The following ZIM2 variants were observed in gnomAD, a reference collection of about 807,000 sequenced individuals.
The protein encoded by ZIM2 is zinc finger protein 656.
ZIM2 carries 14 observed loss-of-function variants against 38.6 expected under a neutral mutation model. The observed-to-expected ratio is 0.36, with a 90% CI of 0.24 to 0.57. ZIM2 has a LOEUF of 0.57. Ranked by LOEUF, ZIM2 falls within the 20% of genes least tolerant of loss-of-function variation. ZIM2 has a pLI of 0.81. For missense variants in ZIM2, 680 were observed against 695.1 expected (o/e 0.98, Z 0.24); for synonymous variants, 247 against 245.8 (o/e 1.00, Z -0.04).
chr19:56,825,728 G>A (rs1321060761), intron 3 of ZIM2, among the ~76,000 whole-genome samples: 2 of 151,906 alleles, frequency 1.3e-5, no homozygotes, highest in African/African-American at 2.4e-5. Context: ...ACTACCTACT[G>A]GCTTTACTTC....
chr19:56,823,826 C>A lies in ZIM2; in HGVS notation c.17-147G>T, dbSNP rs1348055578. 4.2e-6 allele frequency: 4 copies of A among 959,892 alleles called. No individual in the cohort carries two copies. The South Asian group carries it at 4.6e-5, about 11-fold the overall frequency. 59.5% of individuals were successfully genotyped at this position (959,892 alleles called of 1,614,324 possible). A position where few individuals can be genotyped will look rare whatever the true frequency, so the allele number is the denominator to read the frequency against. ...CATTTCTGAGTTCAAAACCCTTCAG[C>A]GGCTTCCAACCACTCCTGGCATACT... On this transcript the variant is annotated intron_variant, in intron 4 of 12. Coordinates refer to ENST00000629319, the MANE Select transcript of ZIM2 (RefSeq NM_001387356.1).
At chr19:56,811,080 T>C in intron 9 of ZIM2, 4 of 984,884 alleles carry the variant, frequency 4.1e-6, no homozygotes, top group Non-Finnish European at 3.6e-6. Context: ...AGTATATGTC[T>C]TTGGATGGTG....
In ZIM2 at chr19:56,774,638, G is replaced by T; in HGVS notation, c.*50C>A. 3 of 1,580,398 alleles carry T rather than the reference G, an allele frequency of 1.9e-6. No homozygotes were observed. Among genetic ancestry groups the T allele is most frequent in the South Asian group, 1.2e-5 (1 of 83,624 alleles). ...GCCTTCTCACACTCACAACACTCTA[G>T]GAGGAAGCCAATAATGTTGAGAAAA... is the stretch of plus-strand genomic sequence containing the variant. On this transcript the variant is annotated 3_prime_UTR_variant, in exon 13 of 13. Transcript: ENST00000629319.
rs769921789 is a variant in ZIM2, at chr19:56,831,686, G to A, written c.-227+4332C>T. On this transcript the variant is annotated intron_variant, in intron 2 of 12. Coordinates refer to ENST00000629319, the MANE Select transcript of ZIM2 (RefSeq NM_001387356.1). ...CAAAATGTTACATAACCATTAAGTC[G>A]TGTTGTCAAGGAATGTTACAGCTTT... 1.3e-5 allele frequency among the ~76,000 whole-genome samples: 2 copies of A among 152,188 alleles called. 1 individual carries two copies. The highest frequency in any genetic ancestry group is 4.1e-4 in the South Asian group (2 of 4,834).
intron 9 of ZIM2, among the ~76,000 whole-genome samples, chr19:56,797,644 CCCT>C (rs1401805758): frequency 6.6e-6 from 1 of 151,948 alleles, no homozygotes; most frequent in African/African-American, 2.4e-5. Context: ...CTCCTTCTTC[CCCT>C]CCTCCTCCTC....
intron 9 of ZIM2, chr19:56,793,116 CTG>C (rs1231986009): frequency 6.6e-6 from 1 of 152,670 alleles, no homozygotes; most frequent in Non-Finnish European, 1.5e-5. Flanking sequence ...TGCTCAGAAA[CTG>C]TGTCAGCACT....
At position 56,814,649 on chromosome 19, in the gene ZIM2, G is replaced by T. The variant is rs909324686; in HGVS notation, c.490+3097C>A. The T allele has an allele frequency of 8.1e-6, 13 of 1,614,034 alleles. No individual in the cohort carries two copies. The highest frequency in any genetic ancestry group is 1.1e-5 in the Non-Finnish European group (13 of 1,180,040). ...TGAAACTCAGTGAGGGCTAAGCCTGGAATGATAGCTTCCTCAGCCATCTGG... is the reference window on the plus strand; with the variant it reads ...TGAAACTCAGTGAGGGCTAAGCCTGTAATGATAGCTTCCTCAGCCATCTGG... On this transcript the variant is annotated intron_variant, in intron 9 of 12. Coordinates refer to ENST00000629319, the MANE Select transcript of ZIM2 (RefSeq NM_001387356.1). This position sits in a 1 kb window ranked among gnomAD's most constrained non-coding sequence, Gnocchi z 5.8.
At chr19:56,825,947 C>T (rs142953212) in intron 3 of ZIM2, among the ~76,000 whole-genome samples, 138 of 152,294 alleles carry the variant, frequency 9.1e-4, no homozygotes, top group Middle Eastern at 3.4e-3. Flanking sequence ...TGGGCTCCCA[C>T]TTCCCTCCCT....
chr19:56,815,676 G>A (rs200041700), intron 9 of ZIM2: 1 of 1,614,164 alleles, frequency 6.2e-7, no homozygotes, highest in East Asian at 2.2e-5. Context: ...TGGGAACAGA[G>A]AATTCGCCAT....
chr19:56,829,915 C>A (rs1409023409), intron 2 of ZIM2, among the ~76,000 whole-genome samples: 3 of 152,234 alleles, frequency 2.0e-5, no homozygotes, highest in Non-Finnish European at 4.4e-5. Flanking sequence ...AACAGCCACG[C>A]CTACCACTGA....
chr19:56,789,949 A>C lies in ZIM2; in HGVS notation c.493T>G (p.Phe165Val), dbSNP rs1338170222. ...RSAYPSTSRG[F>V]LAQDSVPAEK... ...GCAGGGACAGAGTCCTGAGCAAGGA[A>C]ACCTAGAAGGGAGAGAGGAATACCA... Residue 165 changes from phenylalanine to valine, a missense_variant and splice_region_variant, in exon 10 of 13, where the codon TTC becomes GTC. Phe to Val is a conservative substitution (Grantham distance 50). Transcript: ENST00000629319. 2 of 1,555,754 alleles carry C rather than the reference A, an allele frequency of 1.3e-6. No individual in the cohort carries two copies. The highest frequency in any genetic ancestry group is 1.8e-6 in the Non-Finnish European group (2 of 1,140,872).
chr19:56,795,577 G>A (rs962334798), intron 9 of ZIM2, among the ~76,000 whole-genome samples: 1 of 152,214 alleles, frequency 6.6e-6, no homozygotes, highest in African/African-American at 2.4e-5. Context: ...ACGGGCTGAG[G>A]AACCACAGCC....
At chr19:56,789,537 T>C (rs73623076) in intron 10 of ZIM2, among the ~76,000 whole-genome samples, 1,550 of 151,928 alleles carry the variant, frequency 0.01, 25 homozygotes, top group African/African-American at 0.035. Context: ...CTGAATAAAA[T>C]AGAATACTAA....
At chr19:56,824,529 C>CA (rs781007474) in intron 3 of ZIM2, 102 bp from the exon 4 acceptor site, 19 of 1,614,042 alleles carry the variant, frequency 1.2e-5, no homozygotes, top group South Asian at 4.4e-5. Context: ...TGAAAAAACT[C>CA]AGAGTCAGTT....
At chr19:56,783,259 T>C (rs1289741933) in intron 10 of ZIM2, among the ~76,000 whole-genome samples, 18 of 152,214 alleles carry the variant, frequency 1.2e-4, no homozygotes, top group Admixed American at 1.1e-3. Flanking sequence ...ACTACAGTTA[T>C]ATACAACAAT....
intron 8 of ZIM2, among the ~76,000 whole-genome samples, chr19:56,818,137 T>C (rs2060148429): frequency 1.3e-5 from 2 of 152,226 alleles, no homozygotes; most frequent in South Asian, 4.1e-4. Flanking sequence ...AAGTCCTCTT[T>C]TCCACTGGCC....
intron 9 of ZIM2, chr19:56,810,183 A>G (rs924569702): frequency 1.0e-6 from 1 of 980,544 alleles, no homozygotes; most frequent in Non-Finnish European, 1.2e-6. Flanking sequence ...AGATGAAGAA[A>G]ATATATCAAG....
intron 9 of ZIM2, among the ~76,000 whole-genome samples, chr19:56,801,453 T>TC (rs1356736257): frequency 6.6e-6 from 1 of 152,046 alleles, no homozygotes; most frequent in Non-Finnish European, 1.5e-5. Flanking sequence ...TTCCAGCAGA[T>TC]CCCCAGTGCG....
rs1208593367 is a variant in ZIM2 at position 56,821,656 on chromosome 19, A to T, written c.289T>A (p.Ser97Thr). Reference sequence around the variant, plus strand: ...GAGAGGAAACCTGAGCATACCTGAGATCGGGACTCATAAGCCCTGGAGTCC... The same window carrying T: ...GAGAGGAAACCTGAGCATACCTGAGTTCGGGACTCATAAGCCCTGGAGTCC... ...DRDSRAYESR[S>T]QDAESYQNVV... Residue 97 changes from serine to threonine, a missense_variant, in exon 7 of 13, where the codon TCT becomes ACT. Ser to Thr is a moderately conservative substitution (Grantham distance 58). Coordinates refer to ENST00000629319, the MANE Select transcript of ZIM2 (RefSeq NM_001387356.1). The T allele has an allele frequency of 6.2e-7, 1 of 1,613,828 alleles. No individual in the cohort carries two copies. Among genetic ancestry groups the T allele is most frequent in the Non-Finnish European group, 8.5e-7 (1 of 1,180,016 alleles).
Sources: allele counts gnomAD v4.1 joint callset (sites outside exome capture counted in the v4.1 genomes callset), GRCh38; gene constraint gnomAD v4.1.1; non-coding constraint Gnocchi (gnomAD v3.1); transcripts MANE v1.5; gene names NCBI Gene and HGNC (gene_info 2026-07-23, HGNC 2026-07-21).